The following SLIT3 variants were observed in gnomAD, a reference collection of about 807,000 sequenced individuals.
SLIT3 encodes the protein slit homolog 3 protein.
A neutral mutation model predicts 184.0 loss-of-function variants in SLIT3; 68 were observed. The ratio of observed to expected loss-of-function variants is 0.37; its 90% CI spans 0.30 to 0.45. SLIT3 has a LOEUF of 0.45. Ranked by LOEUF, SLIT3 falls within the 20% of genes least tolerant of loss-of-function variation. SLIT3 has a pLI of 1.00. For missense variants in SLIT3, 1,707 were observed against 2,026.0 expected (o/e 0.84, Z 3.02); for synonymous variants, 831 against 828.6 (o/e 1.00, Z -0.05).
intron 9 of SLIT3, among the ~76,000 whole-genome samples, chr5:168,799,940 C>T (rs948424051): frequency 2.2e-4 from 34 of 152,126 alleles, no homozygotes; most frequent in African/African-American, 8.2e-4. Context: ...GTTGAAGTCC[C>T]TGTGTTCTTA....
intron 5 of SLIT3, among the ~76,000 whole-genome samples, chr5:168,853,354 T>C (rs1160788091): frequency 1.3e-5 from 2 of 152,238 alleles, no homozygotes; most frequent in East Asian, 3.8e-4. Flanking sequence ...TTTAATCTCA[T>C]TTCTTGGTGG....
chr5:169,039,122 A>G (rs1757359423), intron 4 of SLIT3, among the ~76,000 whole-genome samples: 1 of 152,110 alleles, frequency 6.6e-6, no homozygotes, highest in African/African-American at 2.4e-5. Context: ...ATATGTATAC[A>G]TGTGCCATAT....
chr5:168,692,368 C>T (rs563148715), intron 29 of SLIT3, among the ~76,000 whole-genome samples: 1 of 152,302 alleles, frequency 6.6e-6, no homozygotes, highest in African/African-American at 2.4e-5. Context: ...CTCTCTCTGT[C>T]TCTTTCTCTC....
chr5:168,859,585 T>C (rs7736650), intron 5 of SLIT3, among the ~76,000 whole-genome samples: 36,661 of 152,122 alleles, frequency 0.24, 4,511 homozygotes, highest in East Asian at 0.28. Flanking sequence ...TTTCAAGCAA[T>C]GTGGTTTTCA....
chr5:169,127,800 C>A (rs976637165), intron 4 of SLIT3, among the ~76,000 whole-genome samples: 2 of 152,060 alleles, frequency 1.3e-5, no homozygotes, highest in Non-Finnish European at 2.9e-5. Flanking sequence ...TGACATACGG[C>A]AAATTAGGAA....
chr5:168,860,038 A>C (rs1052341260), intron 5 of SLIT3, among the ~76,000 whole-genome samples: 10 of 152,166 alleles, frequency 6.6e-5, no homozygotes, highest in African/African-American at 2.4e-4. Context: ...GTTATTAACA[A>C]AATCAGAGTT....
chr5:169,252,798 C>T (rs555026009), intron 1 of SLIT3, among the ~76,000 whole-genome samples: 8 of 152,236 alleles, frequency 5.3e-5, no homozygotes, highest in Non-Finnish European at 8.8e-5. Flanking sequence ...AATTATGCCT[C>T]CTTTATACAG....
chr5:169,224,497 A>G lies in SLIT3; in HGVS notation c.341+20208T>C, dbSNP rs1581074185. Among the ~76,000 whole-genome samples, 3 of 151,694 alleles carry G rather than the reference A, an allele frequency of 2.0e-5. No individual in the cohort carries two copies. In the South Asian group the frequency reaches 6.3e-4, roughly 32 times the overall value. ...ATCCTCCCACCTCAACTTTCCAAGT[A>G]GCTGAGACTACAAGCGTGCACTACC... is the stretch of plus-strand genomic sequence containing the variant. On this transcript the variant is annotated intron_variant, in intron 3 of 35. Transcript: ENST00000519560.
At chr5:168,797,358 T>A (rs1463996586) in intron 9 of SLIT3, among the ~76,000 whole-genome samples, 1 of 152,216 alleles carries the variant, frequency 6.6e-6, no homozygotes, top group Non-Finnish European at 1.5e-5. Context: ...CACCTGCCAC[T>A]GTGGCAAGAG....
intron 4 of SLIT3, among the ~76,000 whole-genome samples, chr5:169,034,212 A>C (rs1039019725): frequency 6.6e-6 from 1 of 151,714 alleles, no homozygotes; most frequent in African/African-American, 2.4e-5. Flanking sequence ...CATTTTGTTG[A>C]TTATTTCCTT....
At position 168,753,059 on chromosome 5, in the gene SLIT3, G is replaced by A; in HGVS notation, c.1869C>T (p.Asp623=). 1 of 1,614,108 alleles carries A rather than the reference G, an allele frequency of 6.2e-7. No homozygotes were observed. Residue 623 remains aspartate, a synonymous_variant, in exon 18 of 36, where the codon GAC becomes GAT. Transcript: ENST00000519560. ...RSNLIGCVSN[D]TFAGLSSVRL... The stretch of plus-strand genomic sequence containing the variant: ...TCACCGAACTCAGGCCGGCAAAGGT[G>A]TCATTACTCACACAGCCGATCAAGT...
At chr5:168,727,670 C>A (rs142090527) in intron 20 of SLIT3, among the ~76,000 whole-genome samples, 63 of 152,370 alleles carry the variant, frequency 4.1e-4, no homozygotes, top group African/African-American at 1.4e-3. Context: ...TCACCCTCTG[C>A]CCTCCCTGCA....
intron 4 of SLIT3, among the ~76,000 whole-genome samples, chr5:168,997,870 G>A (rs1054736079): frequency 4.6e-5 from 7 of 152,098 alleles, no homozygotes; most frequent in African/African-American, 1.2e-4. Context: ...CACATCCACC[G>A]CAACCCTTGC....
At chr5:169,080,291 C>T (rs1054540239) in intron 4 of SLIT3, among the ~76,000 whole-genome samples, 2 of 152,126 alleles carry the variant, frequency 1.3e-5, no homozygotes, top group African/African-American at 2.4e-5. Context: ...CTAAGGAGAG[C>T]GTGTTTGTCG....
At chr5:168,872,640 CTT>C (rs774066150) in intron 5 of SLIT3, among the ~76,000 whole-genome samples, 9 of 112,394 alleles carry the variant, frequency 8.0e-5, no homozygotes, top group East Asian at 2.7e-4. Flanking sequence ...TCTTCTTCTT[CTT>C]TTTTTTTTTT....
chr5:168,721,978 G>T (rs955156122), intron 23 of SLIT3, among the ~76,000 whole-genome samples: 1 of 152,186 alleles, frequency 6.6e-6, no homozygotes, highest in African/African-American at 2.4e-5. Flanking sequence ...CACAAAGGAG[G>T]TGCTATTGAT....
chr5:168,715,313 T>C (rs1561889519), intron 23 of SLIT3, among the ~76,000 whole-genome samples: 1 of 152,260 alleles, frequency 6.6e-6, no homozygotes, highest in South Asian at 2.1e-4. Flanking sequence ...TGTGGGTTTC[T>C]CAGCATCAAT....
At chr5:169,124,600 A>G (rs1159404354) in intron 4 of SLIT3, among the ~76,000 whole-genome samples, 14 of 152,242 alleles carry the variant, frequency 9.2e-5, no homozygotes, top group Admixed American at 9.2e-4. Flanking sequence ...ATATAGGTCA[A>G]GATTGTGAGA....
At chr5:169,115,080 GC>G (rs1210682645) in intron 4 of SLIT3, among the ~76,000 whole-genome samples, 1 of 152,212 alleles carries the variant, frequency 6.6e-6, no homozygotes, top group Admixed American at 6.5e-5. Context: ...CTCATGAGCT[GC>G]CTGGGGGCAA....
Sources: allele counts gnomAD v4.1 joint callset (sites outside exome capture counted in the v4.1 genomes callset), GRCh38; gene constraint gnomAD v4.1.1; transcripts MANE v1.5; gene names NCBI Gene and HGNC (gene_info 2026-07-23, HGNC 2026-07-21).